The following CWC27 variants were observed in gnomAD, a reference collection of about 807,000 sequenced individuals.
CWC27 encodes CWC27 spliceosome associated cyclophilin, also known as spliceosome-associated protein CWC27 homolog.
In CWC27, 47 loss-of-function variants were observed where a neutral mutation model predicts 63.6. The ratio of observed to expected loss-of-function variants is 0.74; its 90% CI spans 0.58 to 0.94. The LOEUF (loss-of-function observed/expected upper bound fraction) is 0.94. CWC27 is among the 40% of genes least tolerant of loss of function. The pLI, the probability that CWC27 is intolerant of heterozygous loss-of-function variation, is 0.00. For synonymous variants in CWC27, 175 were observed against 179.8 expected (o/e 0.97, Z 0.22); for missense variants, 495 against 554.3 (o/e 0.89, Z 1.07).
intron 10 of CWC27, among the ~76,000 whole-genome samples, chr5:64,857,299 A>C (rs1362402923): frequency 6.6e-6 from 1 of 152,180 alleles, no homozygotes; most frequent in Non-Finnish European, 1.5e-5. Flanking sequence ...GTCTCTGTGC[A>C]GGCAGAAGAT....
chr5:64,788,890 A>C, intron 6 of CWC27, 61 bp from the exon 7 acceptor site: 1 of 1,123,160 alleles, frequency 8.9e-7, no homozygotes, highest in African/African-American at 1.6e-5. Context: ...AAAATAAGGT[A>C]TTTATAAGTT....
At chr5:64,854,434 A>C (rs6862362) in intron 10 of CWC27, among the ~76,000 whole-genome samples, 2,677 of 152,302 alleles carry the variant, frequency 0.018, 46 homozygotes, top group African/African-American at 0.05. Context: ...CAATTTCTCT[A>C]CATCCTTACC....
At chr5:65,003,706 C>T (rs1749774209) in intron 13 of CWC27, among the ~76,000 whole-genome samples, 1 of 152,134 alleles carries the variant, frequency 6.6e-6, no homozygotes, top group African/African-American at 2.4e-5. Flanking sequence ...TTTCTTTTAG[C>T]ATTTTGACTG....
At chr5:64,970,502 A>G (rs987845711) in intron 11 of CWC27, among the ~76,000 whole-genome samples, 40 of 152,224 alleles carry the variant, frequency 2.6e-4, no homozygotes, top group African/African-American at 9.1e-4. Context: ...GTGAGCCACC[A>G]CGCCCGGCCG....
At chr5:64,824,333 C>T (rs1259063846) in intron 10 of CWC27, among the ~76,000 whole-genome samples, 1 of 152,068 alleles carries the variant, frequency 6.6e-6, no homozygotes, top group Non-Finnish European at 1.5e-5. Context: ...AATATTAGAA[C>T]TTTGTTATGC....
At chr5:64,966,659 C>G (rs972183025) in intron 11 of CWC27, among the ~76,000 whole-genome samples, 21 of 152,104 alleles carry the variant, frequency 1.4e-4, no homozygotes, top group Admixed American at 1.2e-3. Flanking sequence ...TCACTGGCAT[C>G]TCCTATACTG....
chr5:64,888,040 C>T (rs1747118894), intron 11 of CWC27, among the ~76,000 whole-genome samples: 1 of 151,834 alleles, frequency 6.6e-6, no homozygotes, highest in Admixed American at 6.6e-5. Flanking sequence ...CTCTTGCTTT[C>T]TAAAAACAGT....
intron 11 of CWC27, among the ~76,000 whole-genome samples, chr5:64,938,641 A>C (rs1748409909): frequency 6.6e-6 from 1 of 152,060 alleles, no homozygotes; most frequent in Non-Finnish European, 1.5e-5. Flanking sequence ...CCTGAATTTG[A>C]ATGTTGGCCT....
chr5:64,776,721 A>G (rs1216317688), intron 2 of CWC27, among the ~76,000 whole-genome samples: 4 of 152,248 alleles, frequency 2.6e-5, no homozygotes, highest in South Asian at 2.1e-4. Flanking sequence ...CTTTGCTTCT[A>G]TGATTTAGAC....
In CWC27 at chr5:64,774,254, C is replaced by A. The variant is rs376674663; in HGVS notation, c.43-437C>A. On this transcript the variant is annotated intron_variant, in intron 1 of 13. Transcript: ENST00000381070. ...CACTATTACTTCAGATTCCCAGGCT[C>A]AAGTGATCCTCTCAACTCGGCCTCC... is the stretch of plus-strand genomic sequence containing the variant. 1.4e-4 allele frequency among the ~76,000 whole-genome samples: 22 copies of A among 152,268 alleles called. No homozygotes were observed. In the South Asian group the frequency reaches 4.1e-3, roughly 29 times the overall value.
At chr5:64,864,934 A>G (rs1053839327) in intron 10 of CWC27, among the ~76,000 whole-genome samples, 1 of 152,096 alleles carries the variant, frequency 6.6e-6, no homozygotes, top group African/African-American at 2.4e-5. Flanking sequence ...GACATATACA[A>G]TGCATTATTA....
intron 13 of CWC27, among the ~76,000 whole-genome samples, chr5:65,005,342 C>T (rs1561186623): frequency 6.6e-6 from 1 of 152,104 alleles, no homozygotes; most frequent in Non-Finnish European, 1.5e-5. Context: ...AGGTTGATCC[C>T]TGGGCCCCAG....
At chr5:64,894,302 T>C (rs992491452) in intron 11 of CWC27, among the ~76,000 whole-genome samples, 2 of 152,128 alleles carry the variant, frequency 1.3e-5, no homozygotes, top group African/African-American at 4.8e-5. Context: ...AGCAAAGTAA[T>C]AGAACTAGAA....
chr5:64,998,058 C>T (rs1319531553), intron 13 of CWC27, among the ~76,000 whole-genome samples: 1 of 152,146 alleles, frequency 6.6e-6, no homozygotes, highest in African/African-American at 2.4e-5. Flanking sequence ...TCTAAACTCC[C>T]TGTCCAGTTC....
intron 10 of CWC27, among the ~76,000 whole-genome samples, chr5:64,807,210 C>A (rs1345540696): frequency 1.3e-5 from 2 of 152,126 alleles, no homozygotes; most frequent in African/African-American, 4.8e-5. Flanking sequence ...AAGCAATGAG[C>A]CGTTCAAAGT....
chr5:65,001,683 G>T (rs1374303706), intron 13 of CWC27, among the ~76,000 whole-genome samples: 1 of 152,062 alleles, frequency 6.6e-6, no homozygotes, highest in East Asian at 1.9e-4. Flanking sequence ...TGATCATGGT[G>T]TGTATTATCT....
intron 10 of CWC27, among the ~76,000 whole-genome samples, chr5:64,841,969 C>T (rs1745854800): frequency 1.3e-5 from 2 of 152,136 alleles, no homozygotes; most frequent in Non-Finnish European, 2.9e-5. Context: ...CATGAGCCAC[C>T]ACGCCCAGCC....
chr5:64,867,939 G>C (rs908931747), intron 10 of CWC27, among the ~76,000 whole-genome samples: 3 of 52,052 alleles, frequency 5.8e-5, no homozygotes, highest in Non-Finnish European at 1.2e-4. Flanking sequence ...TGTTGTGTTT[G>C]GGGGGGGGGC....
At chr5:65,011,984 A>G (rs1315422311) in intron 13 of CWC27, among the ~76,000 whole-genome samples, 1 of 152,226 alleles carries the variant, frequency 6.6e-6, no homozygotes, top group Non-Finnish European at 1.5e-5. Context: ...GTAAGTAAGC[A>G]TTCACCTAAA....
Sources: gnomAD v4.1 joint callset for allele counts (sites outside exome capture counted in the v4.1 genomes callset) on GRCh38, gnomAD v4.1.1 for gene constraint, MANE v1.5 for transcripts, NCBI Gene and HGNC (gene_info 2026-07-23, HGNC 2026-07-21) for gene names.